The following RTN4RL1 variants were observed in gnomAD, a reference collection of about 807,000 sequenced individuals.
RTN4RL1 encodes the protein reticulon-4 receptor-like 1.
RTN4RL1 carries 7 observed loss-of-function variants against 25.6 expected under a neutral mutation model. The observed-to-expected ratio is 0.27, with a 90% CI of 0.16 to 0.51. The LOEUF is 0.51. Ranked by LOEUF, RTN4RL1 falls within the 20% of genes least tolerant of loss-of-function variation. The pLI, the probability that RTN4RL1 is intolerant of heterozygous loss-of-function variation, is 0.97. For synonymous variants in RTN4RL1, 297 were observed against 288.2 expected, an observed-to-expected ratio of 1.03 and a Z score of -0.31; for missense variants, 500 against 615.6, an observed-to-expected ratio of 0.81 and a Z score of 1.99.
At chr17:1,955,472 C>G (rs1915772094) in intron 1 of RTN4RL1, among the ~76,000 whole-genome samples, 1 of 151,888 alleles carries the variant, frequency 6.6e-6, no homozygotes, top group Admixed American at 6.6e-5. Context: ...GGGAGGATCA[C>G]TTGAGCCCGG....
intron 1 of RTN4RL1, among the ~76,000 whole-genome samples, chr17:1,996,272 T>C (rs1466277248): frequency 6.6e-6 from 1 of 152,178 alleles, no homozygotes; most frequent in East Asian, 1.9e-4. Flanking sequence ...TGATGTTCAG[T>C]CTTTTATCAC....
chr17:2,018,676 C>T (rs1293151417), intron 1 of RTN4RL1, among the ~76,000 whole-genome samples: 1 of 152,128 alleles, frequency 6.6e-6, no homozygotes, highest in Non-Finnish European at 1.5e-5. Flanking sequence ...TGCATCCTGA[C>T]TCAGCAGTGC....
chr17:2,006,765 C>A (rs536707072), intron 1 of RTN4RL1, among the ~76,000 whole-genome samples: 2 of 152,338 alleles, frequency 1.3e-5, no homozygotes, highest in South Asian at 4.1e-4. Context: ...GGATTACAGG[C>A]ACATGCCATG....
chr17:1,996,798 T>C lies in RTN4RL1; in HGVS notation c.13+28055A>G, dbSNP rs544810229. Among the ~76,000 whole-genome samples, 19 of 152,280 alleles carry C rather than the reference T, an allele frequency of 1.2e-4. No individual in the cohort carries two copies. The East Asian group carries it at 3.5e-3, about 28-fold the overall frequency. On this transcript the variant is annotated intron_variant, in intron 1 of 1. Coordinates refer to ENST00000331238, the MANE Select transcript of RTN4RL1 (RefSeq NM_178568.4). ...CTAATGCTCCTAAAAAAAACCTTCC[T>C]GGGCTGCCCACTGTGGAGTCTGGGT...
rs1915288133 is a variant in RTN4RL1, at chr17:1,935,750, T to C, written c.*746A>G. On this transcript the variant is annotated 3_prime_UTR_variant, in exon 2 of 2. Coordinates refer to ENST00000331238, the MANE Select transcript of RTN4RL1 (RefSeq NM_178568.4). ...ATATATATATATATATATATATATA[T>C]ATATGTAGAGTGTGAATATATATAA... 3.5e-6 allele frequency: 1 copy of C among 285,262 alleles called. No homozygotes were observed. Among genetic ancestry groups the C allele is most frequent in the African/African-American group, 2.5e-5 (1 of 40,584 alleles). 17.7% of individuals were successfully genotyped at this position (285,262 alleles called of 1,614,324 possible).
intron 1 of RTN4RL1, among the ~76,000 whole-genome samples, chr17:1,974,557 A>C (rs887452609): frequency 1.3e-5 from 2 of 152,202 alleles, no homozygotes; most frequent in East Asian, 3.8e-4. Context: ...GGGCATCCAC[A>C]GGGATAGTAA....
At chr17:2,017,754 C>G (rs1302432765) in intron 1 of RTN4RL1, 1 of 152,350 alleles carries the variant, frequency 6.6e-6, no homozygotes, top group Non-Finnish European at 1.5e-5. Flanking sequence ...GCACAGAGGT[C>G]TCCAGAGCGA....
intron 1 of RTN4RL1, among the ~76,000 whole-genome samples, chr17:1,971,498 G>A (rs73290060): frequency 0.012 from 1,824 of 152,256 alleles, 33 homozygotes; most frequent in African/African-American, 0.04. Flanking sequence ...CTAGAAAGAG[G>A]TAGAACTGAG....
intron 1 of RTN4RL1, among the ~76,000 whole-genome samples, chr17:1,973,205 A>G (rs375819316): frequency 6.6e-6 from 1 of 151,868 alleles, no homozygotes; most frequent in East Asian, 1.9e-4. Flanking sequence ...TCTACTAAAA[A>G]TACAAAAAAA....
intron 1 of RTN4RL1, among the ~76,000 whole-genome samples, chr17:1,978,638 G>GT (rs1004046279): frequency 6.6e-6 from 1 of 152,136 alleles, no homozygotes; most frequent in Admixed American, 6.5e-5. Flanking sequence ...GAAAATGGGG[G>GT]GGGTGGAGGG....
At chr17:1,992,759 C>T (rs1360125886) in intron 1 of RTN4RL1, among the ~76,000 whole-genome samples, 7 of 152,220 alleles carry the variant, frequency 4.6e-5, no homozygotes, top group East Asian at 3.8e-4. Context: ...CTTCAACTCC[C>T]GGGCCTTTGC....
intron 1 of RTN4RL1, 107 bp downstream of exon 1, chr17:2,024,746 C>G: frequency 8.6e-7 from 1 of 1,159,662 alleles, no homozygotes. Flanking sequence ...ACCAGCCCGC[C>G]GGGGGCTACT....
intron 1 of RTN4RL1, among the ~76,000 whole-genome samples, chr17:1,944,778 A>G (rs1244855593): frequency 6.6e-6 from 1 of 152,058 alleles, no homozygotes; most frequent in Non-Finnish European, 1.5e-5. Flanking sequence ...GTATTACGCA[A>G]CTACCCACTT....
chr17:1,952,681 C>T (rs1915709275), intron 1 of RTN4RL1, among the ~76,000 whole-genome samples: 1 of 151,810 alleles, frequency 6.6e-6, no homozygotes, highest in South Asian at 2.1e-4. Flanking sequence ...GTCCACCCAA[C>T]CCCCCTCCTC....
intron 1 of RTN4RL1, among the ~76,000 whole-genome samples, chr17:1,959,411 C>T (rs912699461): frequency 4.6e-5 from 7 of 152,088 alleles, no homozygotes; most frequent in East Asian, 1.9e-4. Context: ...CTGGCTCTGT[C>T]GTCTTGTCTG....
At chr17:1,993,286 A>G (rs2066917434) in intron 1 of RTN4RL1, among the ~76,000 whole-genome samples, 1 of 152,192 alleles carries the variant, frequency 6.6e-6, no homozygotes, top group Admixed American at 6.5e-5. Context: ...ACAGGTGTGT[A>G]TTACTGGGTG....
intron 1 of RTN4RL1, among the ~76,000 whole-genome samples, chr17:1,993,783 C>CAA (rs111293292): frequency 1.5e-5 from 2 of 137,846 alleles, no homozygotes; most frequent in African/African-American, 5.3e-5. Flanking sequence ...TTTTGAATCT[C>CAA]AAAAAAAAAA....
At chr17:1,969,643 A>G (rs879926632) in intron 1 of RTN4RL1, among the ~76,000 whole-genome samples, 1 of 152,128 alleles carries the variant, frequency 6.6e-6, no homozygotes, top group East Asian at 1.9e-4. Flanking sequence ...GCCTGCCTGG[A>G]CTATCTGCCA....
chr17:1,970,019 C>CTT (rs59804703), intron 1 of RTN4RL1, among the ~76,000 whole-genome samples: 44 of 72,140 alleles, frequency 6.1e-4, no homozygotes, highest in East Asian at 1.0e-3. Context: ...CTCTCTCTCT[C>CTT]TTTTTTTTTT....
Sources: allele counts gnomAD v4.1 joint callset (sites outside exome capture counted in the v4.1 genomes callset), GRCh38; gene constraint gnomAD v4.1.1; transcripts MANE v1.5; gene names NCBI Gene and HGNC (gene_info 2026-07-23, HGNC 2026-07-21).